The following DDX1 variants were observed in gnomAD, a reference collection of about 807,000 sequenced individuals.
DDX1 encodes DEAD-box helicase 1, also known as ATP-dependent RNA helicase DDX1.
In DDX1, 28 loss-of-function variants were observed where a neutral mutation model predicts 108.7. The observed-to-expected ratio is 0.26, with a 90% CI of 0.19 to 0.35. DDX1 has a LOEUF of 0.35. Among genes scored for constraint, DDX1 ranks in the 10% least tolerant of loss-of-function variants. The pLI, the probability that DDX1 is intolerant of heterozygous loss-of-function variation, is 1.00. For missense variants in DDX1, 710 were observed against 884.5 expected (o/e 0.80, Z 2.50); for synonymous variants, 295 against 288.9 (o/e 1.02, Z -0.21).
rs1208720238 is a variant in DDX1 at position 15,604,522 on chromosome 2, T to C, written c.625+13T>C. 6.6e-7 allele frequency: 1 copy of C among 1,517,434 alleles called. No homozygotes were observed. 94.0% of individuals were successfully genotyped at this position (1,517,434 alleles called of 1,614,324 possible). A position where few individuals can be genotyped will look rare whatever the true frequency, so the allele number is the denominator to read the frequency against. On this transcript the variant is annotated intron_variant, in intron 10 of 25. Coordinates refer to ENST00000233084, the MANE Select transcript of DDX1 (RefSeq NM_004939.3). ...TTCTCCAAAAATGGTAAGCTCTATATGGATCTTAGTAGTGAAAAGATACAT... is the reference window on the plus strand; with the variant it reads ...TTCTCCAAAAATGGTAAGCTCTATACGGATCTTAGTAGTGAAAAGATACAT...
intron 12 of DDX1, 126 bp from the exon 13 acceptor site, chr2:15,607,049 G>T: frequency 1.1e-6 from 1 of 932,512 alleles, no homozygotes; most frequent in South Asian, 1.8e-5. Context: ...CTGTTTGACT[G>T]TCTTCTCTAC....
intron 18 of DDX1, among the ~76,000 whole-genome samples, chr2:15,622,971 G>A (rs2148748497): frequency 6.6e-6 from 1 of 152,280 alleles, no homozygotes; most frequent in East Asian, 1.9e-4. Context: ...GTAGAGTGAA[G>A]TATGAACTTT....
rs141496881 is a variant in DDX1, at chr2:15,604,303, A to G, written c.553-134A>G. 444 of 637,114 alleles carry G rather than the reference A, an allele frequency of 7.0e-4. 1 individual carries two copies. The African/African-American group carries it at 7.3e-3, about 10-fold the overall frequency. The allele number at this position is 637,114 out of a possible 1,614,324, so 39.5% of individuals were successfully genotyped here. ...GCCTGTCAAATGCTTGTACTATTGT[A>G]TATGTCATATGCTCTAATAGGCATT... On this transcript the variant is annotated intron_variant, in intron 9 of 25. Coordinates refer to ENST00000233084, the MANE Select transcript of DDX1 (RefSeq NM_004939.3).
Position 15,603,236 on chromosome 2 carries a change from A to C in DDX1, c.436A>C (p.Arg146=). 6.2e-7 allele frequency: 1 copy of C among 1,613,712 alleles called. No individual in the cohort carries two copies. Among genetic ancestry groups the C allele is most frequent in the Non-Finnish European group, 8.5e-7 (1 of 1,179,724 alleles). Residue 146 remains arginine, a synonymous_variant, in exon 8 of 26, where the codon AGG becomes CGG. Transcript: ENST00000233084. ...EVSCHDQGLC[R]VGWSTMQASL... is the part of the protein sequence containing the mutation. ...ATCCTGTCATGACCAAGGGTTATGC[A>C]GGGTCGGGTGGTCTACCATGCAGGC...
intron 13 of DDX1, among the ~76,000 whole-genome samples, chr2:15,608,445 T>C (rs2148741511): frequency 6.6e-6 from 1 of 151,406 alleles, no homozygotes; most frequent in East Asian, 1.9e-4. Context: ...GAGAATTGCT[T>C]GAACCCAGGA....
chr2:15,623,664 C>A, intron 19 of DDX1, 82 bp downstream of exon 19: 1 of 1,169,094 alleles, frequency 8.6e-7, no homozygotes, highest in Non-Finnish European at 1.3e-6. Flanking sequence ...CAATCTAGAA[C>A]ACATGCACAG....
chr2:15,622,462 A>G lies in DDX1; in HGVS notation c.1448-974A>G, dbSNP rs1387198468. Among the ~76,000 whole-genome samples, 4 of 152,228 alleles carry G rather than the reference A, an allele frequency of 2.6e-5. 1 individual carries two copies. The highest frequency in any genetic ancestry group is 4.1e-4 in the South Asian group (2 of 4,836). On this transcript the variant is annotated intron_variant, in intron 18 of 25. Coordinates refer to ENST00000233084, the MANE Select transcript of DDX1 (RefSeq NM_004939.3). ...TACAAGGTTGGTGCTTAGAAAACCT[A>G]GAAGAATGGATCTTAAACCCATTAG...
At chr2:15,619,222 G>GCTCCCAGGGCAGTGGGCTCCAGGGTC (rs1665950029) in intron 16 of DDX1, among the ~76,000 whole-genome samples, 1 of 152,188 alleles carries the variant, frequency 6.6e-6, no homozygotes, top group African/African-American at 2.4e-5. Flanking sequence ...CATTGAGGTG[G>GCTCCCAGGGCAGTGGGCTCCAGGGTC]CTCCCAGGGC....
At chr2:15,603,423 C>A in intron 8 of DDX1, 148 bp downstream of exon 8, 1 of 636,086 alleles carries the variant, frequency 1.6e-6, no homozygotes, top group Non-Finnish European at 2.8e-6. Context: ...CCACCCTGTT[C>A]CAAAAAGGAT....
At chr2:15,607,749 T>G (rs1665688775) in intron 13 of DDX1, among the ~76,000 whole-genome samples, 1 of 152,102 alleles carries the variant, frequency 6.6e-6, no homozygotes, top group South Asian at 2.1e-4. Context: ...GAGATAGGGT[T>G]TCACTATGTT....
intron 7 of DDX1, among the ~76,000 whole-genome samples, chr2:15,602,883 T>A (rs1482381349): frequency 2.0e-5 from 3 of 152,108 alleles, no homozygotes; most frequent in Admixed American, 6.5e-5. Context: ...CTGGCTAATT[T>A]TTGTACTTTT....
At chr2:15,606,355 A>G (rs1394213188) in intron 12 of DDX1, 91 bp downstream of exon 12, 1 of 838,034 alleles carries the variant, frequency 1.2e-6, no homozygotes, top group African/African-American at 1.7e-5. Context: ...TGAGTTACAT[A>G]TACTTTCCTT....
intron 14 of DDX1, among the ~76,000 whole-genome samples, chr2:15,616,515 C>T (rs564519829): frequency 6.6e-5 from 10 of 152,168 alleles, no homozygotes; most frequent in African/African-American, 2.2e-4. Flanking sequence ...GTACTGGCAC[C>T]GAGGCTCACT....
Position 15,628,434 on chromosome 2 carries a change from G to C in DDX1, c.1687-11G>C. The C allele has an allele frequency of 6.3e-7, 1 of 1,595,362 alleles. No homozygotes were observed. Among genetic ancestry groups the C allele is most frequent in the Non-Finnish European group, 8.6e-7 (1 of 1,163,612 alleles). On this transcript the variant is annotated splice_polypyrimidine_tract_variant and intron_variant, in intron 20 of 25. Coordinates refer to ENST00000233084, the MANE Select transcript of DDX1 (RefSeq NM_004939.3). ...TAACAAACTCCTTTCTCTCTTCACT[G>C]TTCTCTTTAGAAAGGAGATGTAAGA...
chr2:15,620,237 T>C lies in DDX1; in HGVS notation c.1236T>C (p.Ser412=). 6.2e-7 allele frequency: 1 copy of C among 1,613,964 alleles called. No individual in the cohort carries two copies. Among genetic ancestry groups the C allele is most frequent in the Non-Finnish European group, 8.5e-7 (1 of 1,179,986 alleles). The change falls in exon 17 of 26, where the codon TCT becomes TCC. Residue 412 remains serine, a synonymous_variant. Coordinates refer to ENST00000233084, the MANE Select transcript of DDX1 (RefSeq NM_004939.3). ...TTGTTTGCTCTGCCACTTTGCATTC[T>C]TTCGATGTAAAGAAACTGTCCGAGA... ...QVIVCSATLH[S]FDVKKLSEKI...
intron 10 of DDX1, among the ~76,000 whole-genome samples, chr2:15,604,923 A>G (rs2148739912): frequency 6.6e-6 from 1 of 152,282 alleles, no homozygotes; most frequent in African/African-American, 2.4e-5. Flanking sequence ...GATTTCTGCA[A>G]AGGGAATAGT....
intron 4 of DDX1, 50 bp from the exon 5 acceptor site, chr2:15,597,325 T>C: frequency 8.9e-7 from 1 of 1,128,910 alleles, no homozygotes; most frequent in Non-Finnish European, 1.3e-6. Flanking sequence ...GTTATTAAAT[T>C]GTCGTTAATA....
At chr2:15,600,636 G>A (rs1255766808) in intron 6 of DDX1, among the ~76,000 whole-genome samples, 2 of 151,124 alleles carry the variant, frequency 1.3e-5, no homozygotes, top group Non-Finnish European at 2.9e-5. Flanking sequence ...AAATCTGAAT[G>A]TAGTCTCACA....
At chr2:15,621,179 C>A (rs1186952818) in intron 18 of DDX1, 63 bp downstream of exon 18, 1 of 1,161,846 alleles carries the variant, frequency 8.6e-7, no homozygotes, top group Non-Finnish European at 1.3e-6. Flanking sequence ...CTTACCTATT[C>A]TCATGAAGGA....
Sources: allele counts gnomAD v4.1 joint callset (sites outside exome capture counted in the v4.1 genomes callset), GRCh38; gene constraint gnomAD v4.1.1; transcripts MANE v1.5; gene names NCBI Gene and HGNC (gene_info 2026-07-23, HGNC 2026-07-21).